DGKB: variants seen among roughly 807,000 people sequenced by gnomAD.
DGKB encodes 90 kDa diacylglycerol kinase.
DGKB carries 67 observed loss-of-function variants against 114.3 expected under a neutral mutation model. The observed-to-expected ratio is 0.59, with a 90% CI of 0.48 to 0.72. DGKB has a LOEUF of 0.72. DGKB is among the 30% of genes least tolerant of loss of function. DGKB has a pLI of 0.00. For synonymous variants in DGKB, 398 were observed against 323.1 expected (o/e 1.23, Z -2.49); for missense variants, 907 against 975.2 (o/e 0.93, Z 0.93).
chr7:14,710,068 G>A (rs969893201), intron 6 of DGKB, among the ~76,000 whole-genome samples: 9 of 151,754 alleles, frequency 5.9e-5, no homozygotes, highest in Admixed American at 5.9e-4. Context: ...AAATAACACT[G>A]CTGGATTTCT....
chr7:14,837,650 A>G (rs953645899), intron 2 of DGKB, among the ~76,000 whole-genome samples: 1 of 152,200 alleles, frequency 6.6e-6, no homozygotes, highest in Non-Finnish European at 1.5e-5. Flanking sequence ...TTTCTAATAG[A>G]GTATGGAGGA....
chr7:14,184,458 G>A lies in DGKB; in HGVS notation c.2123-6307C>T, dbSNP rs146295521. Among the ~76,000 whole-genome samples the A allele has an allele frequency of 2.8e-4, 43 of 152,204 alleles. No homozygotes were observed. In the East Asian group the frequency reaches 6.2e-3, roughly 22 times the overall value. On this transcript the variant is annotated intron_variant, in intron 23 of 25. Transcript: ENST00000402815. ...GTGGGGGCACGGTGAGAGTTAGAAC[G>A]GGCCTTCAGTTTGCATGGGAGCTGT... is the stretch of plus-strand genomic sequence containing the variant.
intron 13 of DGKB, among the ~76,000 whole-genome samples, chr7:14,631,907 G>C (rs1218130734): frequency 6.6e-6 from 1 of 151,844 alleles, no homozygotes; most frequent in Non-Finnish European, 1.5e-5. Flanking sequence ...ATCCCATTCT[G>C]TGCCATGGAC....
chr7:14,546,222 T>C (rs1021250880), intron 20 of DGKB, among the ~76,000 whole-genome samples: 1 of 152,222 alleles, frequency 6.6e-6, no homozygotes, highest in Non-Finnish European at 1.5e-5. Flanking sequence ...TAATTTCATT[T>C]GAATTTCTTT....
chr7:14,521,667 C>T (rs983682879), intron 20 of DGKB, among the ~76,000 whole-genome samples: 2 of 151,854 alleles, frequency 1.3e-5, no homozygotes, highest in Non-Finnish European at 2.9e-5. Context: ...TTCATGGATC[C>T]CTTTAATTCT....
At chr7:14,590,695 T>C (rs1801558020) in intron 17 of DGKB, among the ~76,000 whole-genome samples, 1 of 152,146 alleles carries the variant, frequency 6.6e-6, no homozygotes, top group Admixed American at 6.6e-5. Context: ...GGGATTTATT[T>C]AGTGATTCTG....
intron 20 of DGKB, among the ~76,000 whole-genome samples, chr7:14,523,798 A>G (rs890167235): frequency 1.3e-5 from 2 of 152,168 alleles, no homozygotes; most frequent in Non-Finnish European, 2.9e-5. Context: ...TAAGTTTTAG[A>G]GTCAGACATA....
intron 20 of DGKB, among the ~76,000 whole-genome samples, chr7:14,523,390 T>C (rs1441006460): frequency 6.6e-6 from 1 of 152,200 alleles, no homozygotes; most frequent in Non-Finnish European, 1.5e-5. Flanking sequence ...GCCATAGCCA[T>C]GCATGCTCCC....
intron 21 of DGKB, among the ~76,000 whole-genome samples, chr7:14,373,407 A>C (rs1817987855): frequency 6.6e-6 from 1 of 152,214 alleles, no homozygotes; most frequent in South Asian, 2.1e-4. Context: ...TATTGCATAA[A>C]AATGACAGAA....
At chr7:14,818,424 GATAA>G (rs1395699278) in intron 2 of DGKB, among the ~76,000 whole-genome samples, 1 of 152,148 alleles carries the variant, frequency 6.6e-6, no homozygotes, top group Non-Finnish European at 1.5e-5. Flanking sequence ...AAGGGTGAGT[GATAA>G]ATAGCCAGGC....
intron 25 of DGKB, among the ~76,000 whole-genome samples, chr7:14,155,748 T>C (rs1348014570): frequency 4.6e-5 from 7 of 152,098 alleles, no homozygotes; most frequent in African/African-American, 1.4e-4. Flanking sequence ...ATTTCCATGC[T>C]TGTGGTCTTC....
At chr7:14,963,870 G>A (rs976163111) in intron 1 of DGKB, among the ~76,000 whole-genome samples, 15 of 152,028 alleles carry the variant, frequency 9.9e-5, no homozygotes, top group Admixed American at 9.2e-4. Context: ...TGGCAAACGT[G>A]AATAAATATA....
chr7:14,153,696 C>A (rs756642287), intron 25 of DGKB, among the ~76,000 whole-genome samples: 14 of 151,902 alleles, frequency 9.2e-5, no homozygotes, highest in Admixed American at 7.2e-4. Flanking sequence ...TTAAATCACA[C>A]ATTATTGTAA....
In DGKB at chr7:14,472,417, G is replaced by A. The variant is rs1781557662; in HGVS notation, c.1835+5744C>T. On this transcript the variant is annotated intron_variant, in intron 21 of 25. Coordinates refer to ENST00000402815, the MANE Select transcript of DGKB (RefSeq NM_001350709.2). ...CTTGTTCCTCCTTGCCTTCCACCATGATTGTGAGGCTTTCCCAGCCATGTG... is the reference window on the plus strand; with the variant it reads ...CTTGTTCCTCCTTGCCTTCCACCATAATTGTGAGGCTTTCCCAGCCATGTG... Among the ~76,000 whole-genome samples, 5 of 152,280 alleles carry A rather than the reference G, an allele frequency of 3.3e-5. No individual in the cohort carries two copies. In the South Asian group the frequency reaches 1.0e-3, roughly 32 times the overall value.
At chr7:14,691,187 G>C (rs540225528) in intron 9 of DGKB, among the ~76,000 whole-genome samples, 223 of 152,280 alleles carry the variant, frequency 1.5e-3, no homozygotes, top group Non-Finnish European at 2.6e-3. Context: ...TACATTAGAA[G>C]TGAAGATTAC....
intron 20 of DGKB, among the ~76,000 whole-genome samples, chr7:14,518,785 T>C (rs1453389242): frequency 6.6e-6 from 1 of 151,732 alleles, no homozygotes; most frequent in Non-Finnish European, 1.5e-5. Context: ...GAGAATTCTA[T>C]TACTATAGGA....
intron 23 of DGKB, among the ~76,000 whole-genome samples, chr7:14,197,809 A>G (rs971099546): frequency 6.6e-6 from 1 of 152,132 alleles, no homozygotes; most frequent in African/African-American, 2.4e-5. Flanking sequence ...AAGAATACCT[A>G]CTAGTGGTTT....
chr7:14,569,442 C>A (rs549771759), intron 20 of DGKB, among the ~76,000 whole-genome samples: 37 of 152,144 alleles, frequency 2.4e-4, no homozygotes, highest in African/African-American at 8.9e-4. Context: ...ATAAGTCTGG[C>A]GTGTACTTAT....
chr7:14,943,302 T>C (rs182612102), intron 1 of DGKB, among the ~76,000 whole-genome samples: 20 of 151,892 alleles, frequency 1.3e-4, no homozygotes, highest in Non-Finnish European at 2.4e-4. Flanking sequence ...ATTTCTTTCT[T>C]GAATTCTAGT....
Sources: gnomAD v4.1 joint callset for allele counts (sites outside exome capture counted in the v4.1 genomes callset) on GRCh38, gnomAD v4.1.1 for gene constraint, MANE v1.5 for transcripts, NCBI Gene and HGNC (gene_info 2026-07-23, HGNC 2026-07-21) for gene names.